Variants in IQGAP2 observed in about 807,000 individuals in gnomAD.
The protein encoded by IQGAP2 is ras GTPase-activating-like protein IQGAP2.
IQGAP2 carries 173 observed loss-of-function variants against 201.3 expected under a neutral mutation model. The ratio of observed to expected loss-of-function variants is 0.86; its 90% confidence interval spans 0.76 to 0.98. The LOEUF (loss-of-function observed/expected upper bound fraction) is 0.98. Among genes scored for constraint, IQGAP2 ranks in the 50% least tolerant of loss-of-function variants. The pLI is 0.00. For missense variants in IQGAP2, 1,687 were observed against 1,864.8 expected (o/e 0.90, Z 1.76); for synonymous variants, 675 against 673.9 (o/e 1.00, Z -0.03).
intron 2 of IQGAP2, among the ~76,000 whole-genome samples, chr5:76,550,221 G>A (rs1440870706): frequency 6.6e-6 from 1 of 151,972 alleles, no homozygotes; most frequent in Non-Finnish European, 1.5e-5. Context: ...TTGGAAGGAA[G>A]AAAAAAGGGT....
intron 17 of IQGAP2, 100 bp downstream of exon 17, chr5:76,641,203 A>C: frequency 1.1e-6 from 1 of 872,498 alleles, no homozygotes; most frequent in Non-Finnish European, 1.7e-6. Context: ...TCCTATAAAC[A>C]AATCTGACTG....
intron 5 of IQGAP2, among the ~76,000 whole-genome samples, chr5:76,578,366 GCAGTGGTGCAATCTCAGCT>G (rs1745610404): frequency 6.6e-6 from 1 of 151,928 alleles, no homozygotes; most frequent in African/African-American, 2.4e-5. Context: ...AGGCTAGAGT[GCAGTGGTGCAATCTCAGCT>G]CACTGCAACC....
intron 2 of IQGAP2, among the ~76,000 whole-genome samples, chr5:76,547,011 G>A (rs1743139333): frequency 6.6e-6 from 1 of 152,170 alleles, no homozygotes; most frequent in Admixed American, 6.5e-5. Flanking sequence ...TGGTAGTGGA[G>A]GTGGGGGAAA....
intron 1 of IQGAP2, among the ~76,000 whole-genome samples, chr5:76,436,829 A>G (rs1752734424): frequency 6.6e-6 from 1 of 151,508 alleles, no homozygotes; most frequent in Non-Finnish European, 1.5e-5. Flanking sequence ...TGCCTGGCCA[A>G]TCGTATGGTT....
At chr5:76,525,320 A>T (rs1165765878) in intron 2 of IQGAP2, among the ~76,000 whole-genome samples, 1 of 152,242 alleles carries the variant, frequency 6.6e-6, no homozygotes, top group African/African-American at 2.4e-5. Flanking sequence ...ATCATTCTTC[A>T]TATCAGCAAA....
At chr5:76,423,242 C>T (rs1210180415) in intron 1 of IQGAP2, among the ~76,000 whole-genome samples, 1 of 152,160 alleles carries the variant, frequency 6.6e-6, no homozygotes, top group Non-Finnish European at 1.5e-5. Flanking sequence ...TCATGAACAG[C>T]GATGTGCATT....
chr5:76,412,789 C>G lies in IQGAP2; in HGVS notation c.46+9198C>G, dbSNP rs145010924. Among the ~76,000 whole-genome samples the G allele has an allele frequency of 4.4e-3, 671 of 152,340 alleles. 5 individuals are homozygous for G. Among genetic ancestry groups the G allele is most frequent in the African/African-American group, 0.015 (621 of 41,578 alleles). On this transcript the variant is annotated intron_variant, in intron 1 of 35. Coordinates refer to ENST00000274364, the MANE Select transcript of IQGAP2 (RefSeq NM_006633.5). ...ATCTTGGCAGCTTTCAGATGCCATG[C>G]AAACATTAAATGTTGAGTTTAGATT... is the stretch of plus-strand genomic sequence containing the variant.
intron 2 of IQGAP2, among the ~76,000 whole-genome samples, chr5:76,535,426 T>A (rs1335036988): frequency 2.0e-5 from 3 of 152,188 alleles, no homozygotes; most frequent in Non-Finnish European, 1.5e-5. Flanking sequence ...AAATTTTTTT[T>A]AAATCAGCTC....
At chr5:76,413,911 T>C (rs1458378641) in intron 1 of IQGAP2, among the ~76,000 whole-genome samples, 2 of 152,172 alleles carry the variant, frequency 1.3e-5, no homozygotes, top group African/African-American at 4.8e-5. Flanking sequence ...TGTGGGAGTT[T>C]AGAAGGGAGG....
Position 76,707,484 on chromosome 5 carries a change from T to C in IQGAP2, c.*171T>C, listed in dbSNP as rs1748009823. ...CCCAGGTGCCTTTTTGCTAATTTGA[T>C]ACTATAATAGAATGAGACATAAAAT... is the stretch of plus-strand genomic sequence containing the variant. On this transcript the variant is annotated 3_prime_UTR_variant, in exon 36 of 36. Coordinates refer to ENST00000274364, the MANE Select transcript of IQGAP2 (RefSeq NM_006633.5). The C allele has an allele frequency of 1.7e-6, 1 of 592,088 alleles. No individual in the cohort carries two copies. Among genetic ancestry groups the C allele is most frequent in the Admixed American group, 3.1e-5 (1 of 32,412 alleles). 36.7% of individuals were successfully genotyped at this position (592,088 alleles called of 1,614,324 possible).
intron 33 of IQGAP2, chr5:76,699,544 T>G (rs892666468): frequency 7.9e-5 from 12 of 152,018 alleles, no homozygotes; most frequent in African/African-American, 2.9e-4. Flanking sequence ...CATTTAAACC[T>G]TATTGATTTG....
intron 21 of IQGAP2, among the ~76,000 whole-genome samples, chr5:76,659,304 A>G (rs1254430047): frequency 6.6e-6 from 1 of 152,232 alleles, no homozygotes; most frequent in East Asian, 1.9e-4. Flanking sequence ...AGATATTTAA[A>G]GAGTAATTAA....
intron 2 of IQGAP2, among the ~76,000 whole-genome samples, chr5:76,501,340 G>T (rs1319731296): frequency 6.6e-6 from 1 of 151,950 alleles, no homozygotes; most frequent in Admixed American, 6.6e-5. Flanking sequence ...GAGGTGGGGG[G>T]GCATCACTTG....
At chr5:76,445,616 C>A (rs531001517) in intron 1 of IQGAP2, among the ~76,000 whole-genome samples, 1 of 152,118 alleles carries the variant, frequency 6.6e-6, no homozygotes, top group Non-Finnish European at 1.5e-5. Context: ...AGGTGCCAGC[C>A]ACCATGCCTG....
chr5:76,592,052 A>T (rs552479176), intron 8 of IQGAP2, among the ~76,000 whole-genome samples: 11 of 152,180 alleles, frequency 7.2e-5, no homozygotes, highest in African/African-American at 2.6e-4. Flanking sequence ...TTCTGACCTC[A>T]TTGCATGACT....
chr5:76,562,684 A>T, intron 3 of IQGAP2, 132 bp downstream of exon 3: 3 of 749,474 alleles, frequency 4.0e-6, no homozygotes, highest in Non-Finnish European at 6.4e-6. Flanking sequence ...GGAGCCTGTT[A>T]ATAGCATTCC....
intron 16 of IQGAP2, 88 bp downstream of exon 16, chr5:76,637,264 G>A: frequency 9.3e-7 from 1 of 1,080,672 alleles, no homozygotes; most frequent in Non-Finnish European, 1.3e-6. Flanking sequence ...AGTGATGAGA[G>A]GAACTAACTG....
intron 15 of IQGAP2, among the ~76,000 whole-genome samples, chr5:76,635,065 C>T (rs1034512980): frequency 6.6e-6 from 1 of 152,232 alleles, no homozygotes; most frequent in Non-Finnish European, 1.5e-5. Context: ...GTAAAGCCTT[C>T]TAATGCCATT....
chr5:76,448,314 C>T (rs1753529229), intron 1 of IQGAP2, among the ~76,000 whole-genome samples: 1 of 152,198 alleles, frequency 6.6e-6, no homozygotes. Flanking sequence ...GAAGCCTCAC[C>T]TGCTGCTTCT....
Sources: gnomAD v4.1 joint callset for allele counts (sites outside exome capture counted in the v4.1 genomes callset) on GRCh38, gnomAD v4.1.1 for gene constraint, MANE v1.5 for transcripts, NCBI Gene and HGNC (gene_info 2026-07-23, HGNC 2026-07-21) for gene names.